Variants in SPECC1 observed in about 807,000 individuals in gnomAD.
SPECC1 encodes sperm antigen with calponin homology and coiled-coil domains 1, also known as cytospin-B.
A neutral mutation model predicts 104.1 loss-of-function variants in SPECC1; 62 were observed. That is an observed-to-expected ratio of 0.60 (90% CI 0.49 to 0.74). SPECC1 has a LOEUF of 0.74. Ranked by LOEUF, SPECC1 falls within the 30% of genes least tolerant of loss-of-function variation. SPECC1 has a pLI of 0.00. For missense variants in SPECC1, 1,306 were observed against 1,310.5 expected, an observed-to-expected ratio of 1.00 and a Z score of 0.05; for synonymous variants, 513 against 501.6, an observed-to-expected ratio of 1.02 and a Z score of -0.30.
chr17:20,266,556 C>G (rs1244195544), intron 12 of SPECC1, among the ~76,000 whole-genome samples: 2 of 152,156 alleles, frequency 1.3e-5, no homozygotes, highest in African/African-American at 4.8e-5. Flanking sequence ...TGCACTCCAG[C>G]CTGGGCGACA....
At chr17:20,056,232 A>C (rs1247387091) in intron 1 of SPECC1, 1 of 152,206 alleles carries the variant, frequency 6.6e-6, no homozygotes, top group Admixed American at 6.5e-5. Context: ...TAATTTTAAA[A>C]ATAAATATTA....
At chr17:20,075,086 A>G (rs2046705541) in intron 1 of SPECC1, among the ~76,000 whole-genome samples, 1 of 151,022 alleles carries the variant, frequency 6.6e-6, no homozygotes, top group African/African-American at 2.5e-5. Context: ...TATTTTTAGT[A>G]AAGACAACAT....
chr17:20,308,767 T>G (rs990792495), intron 14 of SPECC1, among the ~76,000 whole-genome samples: 3 of 152,152 alleles, frequency 2.0e-5, no homozygotes, highest in African/African-American at 7.2e-5. Flanking sequence ...GTGAGGAAAC[T>G]TACACATCTG....
At chr17:20,289,935 A>T (rs1422426873) in intron 12 of SPECC1, among the ~76,000 whole-genome samples, 1 of 152,206 alleles carries the variant, frequency 6.6e-6, no homozygotes, top group Non-Finnish European at 1.5e-5. Flanking sequence ...TTTAGAGAGA[A>T]GAAGAGTGTT....
intron 1 of SPECC1, among the ~76,000 whole-genome samples, chr17:20,080,288 G>A (rs2046916297): frequency 6.6e-6 from 1 of 152,164 alleles, no homozygotes; most frequent in Non-Finnish European, 1.5e-5. Context: ...TATTTAGCTG[G>A]CAGGGGGACT....
intron 1 of SPECC1, among the ~76,000 whole-genome samples, chr17:20,089,395 C>T (rs889660190): frequency 2.6e-5 from 4 of 151,834 alleles, no homozygotes; most frequent in Non-Finnish European, 5.9e-5. Context: ...GGAGGCTTGA[C>T]GCGGGAGGAT....
intron 3 of SPECC1, among the ~76,000 whole-genome samples, chr17:20,177,559 C>A (rs1325255341): frequency 2.6e-5 from 4 of 152,132 alleles, no homozygotes; most frequent in African/African-American, 9.7e-5. Context: ...AATTTCATAT[C>A]TTGAATTCTT....
intron 3 of SPECC1, among the ~76,000 whole-genome samples, chr17:20,198,956 T>A (rs2036219435): frequency 6.6e-6 from 1 of 152,212 alleles, no homozygotes; most frequent in Admixed American, 6.5e-5. Context: ...TGTGATTGAT[T>A]TATAGTTCAT....
At chr17:20,084,245 A>G (rs2047092646) in intron 1 of SPECC1, among the ~76,000 whole-genome samples, 1 of 152,216 alleles carries the variant, frequency 6.6e-6, no homozygotes, top group Non-Finnish European at 1.5e-5. Context: ...CCTGACCAAC[A>G]TGGTGAAACC....
intron 1 of SPECC1, among the ~76,000 whole-genome samples, chr17:20,068,367 T>A (rs1197795730): frequency 6.6e-6 from 1 of 152,262 alleles, no homozygotes; most frequent in African/African-American, 2.4e-5. Context: ...ATGTACACTT[T>A]ATATTTATCC....
At chr17:20,160,208 G>T (rs2033007524) in intron 3 of SPECC1, among the ~76,000 whole-genome samples, 1 of 152,180 alleles carries the variant, frequency 6.6e-6, no homozygotes, top group Non-Finnish European at 1.5e-5. Context: ...AGTTAAAGTT[G>T]ATTGCTGCCT....
intron 1 of SPECC1, among the ~76,000 whole-genome samples, chr17:20,094,396 G>GTTTA (rs1444842422): frequency 6.6e-6 from 1 of 152,180 alleles, no homozygotes; most frequent in Non-Finnish European, 1.5e-5. Context: ...TAAGAGAGAA[G>GTTTA]TTTAGATCTT....
chr17:20,011,870 TCTAC>T (rs1215317048), intron 1 of SPECC1, among the ~76,000 whole-genome samples: 1 of 152,186 alleles, frequency 6.6e-6, no homozygotes, highest in Non-Finnish European at 1.5e-5. Context: ...ATTAGCTTTA[TCTAC>T]CTGTTTACCA....
intron 1 of SPECC1, among the ~76,000 whole-genome samples, chr17:20,030,082 C>T (rs1472567142): frequency 6.6e-6 from 1 of 152,100 alleles, no homozygotes; most frequent in African/African-American, 2.4e-5. Context: ...AGGTGTTTAG[C>T]CTCCAGAACT....
chr17:20,231,022 A>G (rs1197735702), intron 5 of SPECC1, among the ~76,000 whole-genome samples: 1 of 152,178 alleles, frequency 6.6e-6, no homozygotes, highest in East Asian at 1.9e-4. Context: ...ATGAGGACCT[A>G]TTGAGGAATT....
intron 8 of SPECC1, among the ~76,000 whole-genome samples, chr17:20,246,520 T>C (rs2039429110): frequency 6.6e-6 from 1 of 152,194 alleles, no homozygotes; most frequent in Non-Finnish European, 1.5e-5. Context: ...GCTAGACGTT[T>C]TTCTACCTGG....
intron 13 of SPECC1, among the ~76,000 whole-genome samples, chr17:20,299,568 A>G (rs2041495650): frequency 8.5e-6 from 1 of 118,290 alleles, no homozygotes; most frequent in East Asian, 2.3e-4. Context: ...AAAAAAAAAA[A>G]AAAAAAAAAA....
intron 12 of SPECC1, among the ~76,000 whole-genome samples, chr17:20,273,670 T>A (rs2040484497): frequency 6.6e-6 from 1 of 152,190 alleles, no homozygotes; most frequent in African/African-American, 2.4e-5. Context: ...TTTAACCACC[T>A]TCATTCCCCC....
At chr17:20,232,143 G>A (rs2038622532) in intron 6 of SPECC1, 57 bp from the exon 7 acceptor site, 1 of 1,598,850 alleles carries the variant, frequency 6.3e-7, no homozygotes, top group Admixed American at 1.7e-5. Context: ...TGGGGTCCCT[G>A]CCCAGGCACT....
Sources: allele counts gnomAD v4.1 joint callset (sites outside exome capture counted in the v4.1 genomes callset), GRCh38; gene constraint gnomAD v4.1.1; transcripts MANE v1.5; gene names NCBI Gene and HGNC (gene_info 2026-07-23, HGNC 2026-07-21).